TDRD5: variants seen among roughly 807,000 people sequenced by gnomAD.
TDRD5 encodes the protein tudor domain containing 5.
In TDRD5, 41 loss-of-function variants were observed where a neutral mutation model predicts 120.6. The observed-to-expected ratio is 0.34, with a 90% CI of 0.26 to 0.44. The LOEUF (loss-of-function observed/expected upper bound fraction) is 0.44, where lower values mean the gene tolerates loss of function less well. Among genes scored for constraint, TDRD5 ranks in the 20% least tolerant of loss-of-function variants. The pLI is 1.00. For synonymous variants in TDRD5, 430 were observed against 433.7 expected (o/e 0.99, Z 0.11); for missense variants, 1,006 against 1,221.2 (o/e 0.82, Z 2.63).
In TDRD5 at chr1:179,647,436, A is replaced by C. The variant is rs796123244; in HGVS notation, c.1801-3431A>C. Among the ~76,000 whole-genome samples the C allele has an allele frequency of 4.4e-4, 67 of 152,250 alleles. 1 individual carries two copies. In the South Asian group the frequency reaches 0.014, roughly 31 times the overall value. On this transcript the variant is annotated intron_variant, in intron 11 of 17. Transcript: ENST00000444136. The stretch of plus-strand genomic sequence containing the variant: ...AAACTGGATCCCTTCCTTACACCTT[A>C]AACAAAAATCAATTCAAGGTGGATT...
At chr1:179,593,247 T>C (rs990819297) in intron 2 of TDRD5, among the ~76,000 whole-genome samples, 1 of 152,224 alleles carries the variant, frequency 6.6e-6, no homozygotes, top group African/African-American at 2.4e-5. Flanking sequence ...GTTGTAATGA[T>C]AATACATTGA....
chr1:179,615,378 T>G (rs574407336), intron 4 of TDRD5, among the ~76,000 whole-genome samples: 5 of 152,282 alleles, frequency 3.3e-5, no homozygotes, highest in African/African-American at 9.6e-5. Flanking sequence ...AGGTTGAACT[T>G]TATGCTTTAA....
chr1:179,628,608 A>G (rs770520052), intron 6 of TDRD5, among the ~76,000 whole-genome samples: 1 of 151,932 alleles, frequency 6.6e-6, no homozygotes, highest in Non-Finnish European at 1.5e-5. Flanking sequence ...TTCCCAGCCC[A>G]TCAGTTTCTT....
chr1:179,676,235 T>G (rs1329423342), intron 17 of TDRD5, among the ~76,000 whole-genome samples: 1 of 152,230 alleles, frequency 6.6e-6, no homozygotes, highest in East Asian at 1.9e-4. Context: ...CTTAAGTTTC[T>G]GTGAGTCCTT....
At chr1:179,685,447 C>G (rs1680651073) in intron 17 of TDRD5, among the ~76,000 whole-genome samples, 1 of 152,054 alleles carries the variant, frequency 6.6e-6, no homozygotes, top group African/African-American at 2.4e-5. Context: ...GTTATTGTAG[C>G]CTTGGTATAG....
At chr1:179,619,511 G>C (rs1676734065) in intron 5 of TDRD5, among the ~76,000 whole-genome samples, 1 of 152,004 alleles carries the variant, frequency 6.6e-6, no homozygotes, top group African/African-American at 2.4e-5. Context: ...CATTTCAACT[G>C]TCATGATTTT....
At chr1:179,623,262 A>C (rs1191863673) in intron 6 of TDRD5, among the ~76,000 whole-genome samples, 1 of 152,212 alleles carries the variant, frequency 6.6e-6, no homozygotes, top group Non-Finnish European at 1.5e-5. Context: ...CCAGATTGGA[A>C]CTTTAATCTT....
intron 17 of TDRD5, among the ~76,000 whole-genome samples, chr1:179,672,224 C>T (rs1175603542): frequency 6.6e-6 from 1 of 152,086 alleles, no homozygotes; most frequent in East Asian, 1.9e-4. Flanking sequence ...AGTTTATATT[C>T]TTACCAATAG....
intron 17 of TDRD5, among the ~76,000 whole-genome samples, chr1:179,686,207 G>C (rs1249488099): frequency 1.3e-5 from 2 of 152,150 alleles, no homozygotes; most frequent in Non-Finnish European, 2.9e-5. Context: ...ATTATTTTGA[G>C]ATACATCCCA....
chr1:179,623,406 T>A (rs1676939961), intron 6 of TDRD5, among the ~76,000 whole-genome samples: 1 of 152,072 alleles, frequency 6.6e-6, no homozygotes, highest in South Asian at 2.1e-4. Flanking sequence ...AACATGAAAA[T>A]GTAATGCATA....
At chr1:179,677,041 T>G (rs1440361483) in intron 17 of TDRD5, among the ~76,000 whole-genome samples, 3 of 152,132 alleles carry the variant, frequency 2.0e-5, no homozygotes, top group African/African-American at 7.2e-5. Flanking sequence ...CGTTGTTCAT[T>G]TTTTTAAATT....
At chr1:179,637,718 GAA>G (rs34392871) in intron 9 of TDRD5, among the ~76,000 whole-genome samples, 1 of 130,808 alleles carries the variant, frequency 7.6e-6, no homozygotes, top group African/African-American at 2.7e-5. Flanking sequence ...CTGTCTGGGG[GAA>G]AAAAAAAAAA....
chr1:179,636,967 G>A (rs771235223), intron 9 of TDRD5, among the ~76,000 whole-genome samples: 21 of 152,150 alleles, frequency 1.4e-4, no homozygotes, highest in Non-Finnish European at 2.6e-4. Flanking sequence ...AATCATGTTT[G>A]TGGACTATAC....
At chr1:179,659,549 T>C (rs1280638831) in intron 14 of TDRD5, among the ~76,000 whole-genome samples, 1 of 113,698 alleles carries the variant, frequency 8.8e-6, no homozygotes, top group Non-Finnish European at 1.8e-5. Context: ...ATTCCAGTTT[T>C]CGTGTGTGTG....
At chr1:179,619,421 C>G (rs1408540003) in intron 5 of TDRD5, among the ~76,000 whole-genome samples, 2 of 152,138 alleles carry the variant, frequency 1.3e-5, no homozygotes, top group Non-Finnish European at 2.9e-5. Flanking sequence ...GTTATGTACA[C>G]TTAAATTTTT....
At chr1:179,623,726 T>C (rs1114053) in intron 6 of TDRD5, among the ~76,000 whole-genome samples, 1 of 147,600 alleles carries the variant, frequency 6.8e-6, no homozygotes, top group African/African-American at 2.5e-5. Flanking sequence ...CTTGAACTCC[T>C]GGGCTCAAGT....
rs1675378400 is a variant in TDRD5, at chr1:179,596,121, T to TAATTG, written c.831+303_831+304insAATTG. ...TACAGAAGCATATTTGCAATTTACC[T>TAATTG]CACAAATATCTTCTGAATGGCTGTC... On this transcript the variant is annotated intron_variant, in intron 4 of 17. Transcript: ENST00000444136. Among the ~76,000 whole-genome samples, 3 of 152,320 alleles carry TAATTG rather than the reference T, an allele frequency of 2.0e-5. No individual in the cohort carries two copies. The South Asian group carries it at 6.2e-4, about 32-fold the overall frequency.
chr1:179,658,023 C>G (rs553409616), intron 14 of TDRD5, among the ~76,000 whole-genome samples: 2 of 152,262 alleles, frequency 1.3e-5, no homozygotes, highest in South Asian at 4.1e-4. Flanking sequence ...CTCCTAGCCT[C>G]TGGTAACTAC....
intron 4 of TDRD5, among the ~76,000 whole-genome samples, chr1:179,599,385 A>G (rs1484788557): frequency 2.6e-5 from 4 of 152,082 alleles, no homozygotes; most frequent in African/African-American, 9.7e-5. Flanking sequence ...CTTTATTCTG[A>G]AAGAGTTTGT....
Sources: gnomAD v4.1 joint callset for allele counts (sites outside exome capture counted in the v4.1 genomes callset) on GRCh38, gnomAD v4.1.1 for gene constraint, MANE v1.5 for transcripts, NCBI Gene and HGNC (gene_info 2026-07-23, HGNC 2026-07-21) for gene names.